Variants in DSCAM observed in about 807,000 individuals in gnomAD.
The protein encoded by DSCAM is cell adhesion molecule DSCAM.
In DSCAM, 47 loss-of-function variants were observed where a neutral mutation model predicts 217.7. That is an observed-to-expected ratio of 0.22 (90% CI 0.17 to 0.28). The LOEUF (loss-of-function observed/expected upper bound fraction) is 0.28, where lower values mean the gene tolerates loss of function less well. Among genes scored for constraint, DSCAM ranks in the 10% least tolerant of loss-of-function variants. The probability of loss-of-function intolerance (pLI) is 1.00; values close to 1 mark genes in which losing one functional copy is unlikely to be tolerated. For missense variants in DSCAM, 2,080 were observed against 2,618.3 expected (o/e 0.79, Z 4.49); for synonymous variants, 1,056 against 1,015.3 (o/e 1.04, Z -0.76).
At chr21:40,530,879 GTCCATCCATCCA>G (rs759529131) in intron 3 of DSCAM, among the ~76,000 whole-genome samples, 2 of 147,970 alleles carry the variant, frequency 1.4e-5, no homozygotes, top group Non-Finnish European at 3.0e-5. Context: ...AGCCCTGCCT[GTCCATCCATCCA>G]TCCATCCATC....
At chr21:40,399,720 T>A (rs910644868) in intron 3 of DSCAM, among the ~76,000 whole-genome samples, 3 of 152,220 alleles carry the variant, frequency 2.0e-5, no homozygotes, top group African/African-American at 4.8e-5. Context: ...TATTCATTCA[T>A]TCATTCATTT....
intron 3 of DSCAM, among the ~76,000 whole-genome samples, chr21:40,501,357 G>T (rs941754442): frequency 2.0e-5 from 3 of 152,042 alleles, no homozygotes; most frequent in African/African-American, 7.2e-5. Flanking sequence ...AGGAAATGAT[G>T]CGTTTCTACC....
chr21:40,731,917 G>A (rs1047104781), intron 1 of DSCAM, among the ~76,000 whole-genome samples: 18 of 152,092 alleles, frequency 1.2e-4, no homozygotes, highest in Admixed American at 6.6e-4. Flanking sequence ...AGTAGAGACA[G>A]GGTTTTATCA....
rs759948819 is a variant in DSCAM at position 40,339,082 on chromosome 21, T to C, written c.1507+37A>G. The C allele has an allele frequency of 4.4e-6, 7 of 1,607,100 alleles. No homozygotes were observed. The African/African-American group carries it at 6.8e-5, about 16-fold the overall frequency. On this transcript the variant is annotated intron_variant, in intron 7 of 32. Coordinates refer to ENST00000400454, the MANE Select transcript of DSCAM (RefSeq NM_001389.5). ...AATCTTCTTCTCCACTATAATGAGT[T>C]ATGTGTGTTTTTTTGAGGAGCTGAT...
intron 1 of DSCAM, among the ~76,000 whole-genome samples, chr21:40,738,758 G>C (rs1174817285): frequency 6.6e-6 from 1 of 152,204 alleles, no homozygotes; most frequent in Admixed American, 6.5e-5. Context: ...TGCCAGTCAG[G>C]GGACCACACT....
chr21:40,488,452 A>G (rs1311135809), intron 3 of DSCAM, among the ~76,000 whole-genome samples: 1 of 152,202 alleles, frequency 6.6e-6, no homozygotes, highest in Admixed American at 6.5e-5. Context: ...TGATAGTTTC[A>G]ATGAGAAACT....
intron 15 of DSCAM, among the ~76,000 whole-genome samples, chr21:40,172,328 C>T (rs369417659): frequency 1.3e-5 from 2 of 152,222 alleles, no homozygotes; most frequent in South Asian, 2.1e-4. Flanking sequence ...CAAAACTCTT[C>T]GATCTGTAAA....
intron 1 of DSCAM, among the ~76,000 whole-genome samples, chr21:40,770,678 C>T (rs1232609774): frequency 6.6e-6 from 1 of 152,142 alleles, no homozygotes; most frequent in Admixed American, 6.6e-5. Context: ...TGAAAACTCA[C>T]TTAATTGTCA....
intron 3 of DSCAM, among the ~76,000 whole-genome samples, chr21:40,634,938 T>C (rs970104670): frequency 1.3e-5 from 2 of 152,224 alleles, no homozygotes; most frequent in African/African-American, 4.8e-5. Context: ...ATGTTACATG[T>C]TTATTTTAGT....
chr21:40,755,908 T>C (rs953672444), intron 1 of DSCAM, among the ~76,000 whole-genome samples: 1 of 152,242 alleles, frequency 6.6e-6, no homozygotes, highest in South Asian at 2.1e-4. Flanking sequence ...GTGTTCGCCA[T>C]GCAACTGGCT....
chr21:40,252,060 G>A (rs779246230), intron 11 of DSCAM, among the ~76,000 whole-genome samples: 4 of 152,122 alleles, frequency 2.6e-5, no homozygotes, highest in Non-Finnish European at 5.9e-5. Context: ...CTAAGCCATG[G>A]CTACTACTTT....
chr21:40,518,619 T>C (rs1306599914), intron 3 of DSCAM, among the ~76,000 whole-genome samples: 1 of 124,924 alleles, frequency 8.0e-6, no homozygotes, highest in Non-Finnish European at 1.6e-5. Context: ...CACACACATA[T>C]ATATACATAC....
chr21:40,128,080 C>T (rs2090114914), intron 19 of DSCAM, among the ~76,000 whole-genome samples: 1 of 151,594 alleles, frequency 6.6e-6, no homozygotes, highest in Non-Finnish European at 1.5e-5. Context: ...GCTCCCATGT[C>T]TCTGTTGAGA....
At chr21:40,181,460 C>A (rs1324772034) in intron 14 of DSCAM, among the ~76,000 whole-genome samples, 1 of 152,096 alleles carries the variant, frequency 6.6e-6, no homozygotes, top group Non-Finnish European at 1.5e-5. Flanking sequence ...CAGACTGCTT[C>A]ATTTGATTAA....
intron 3 of DSCAM, among the ~76,000 whole-genome samples, chr21:40,670,453 G>A (rs147997772): frequency 0.027 from 4,073 of 150,538 alleles, 79 homozygotes; most frequent in Non-Finnish European, 0.045. Flanking sequence ...CAGGGGAATC[G>A]CTTGAACCCG....
rs187172824 is a variant in DSCAM at position 40,249,319 on chromosome 21, C to T, written c.2356+26778G>A. Among the ~76,000 whole-genome samples the T allele has an allele frequency of 2.0e-3, 310 of 152,156 alleles. 3 individuals are homozygous for T. Among genetic ancestry groups the T allele is most frequent in the Middle Eastern group, 0.017 (5 of 294 alleles). ...ATCTGAATCATAGGGGTAGTTTCCC[C>T]GATACTGTTCTCATGGTAGTGGATA... On this transcript the variant is annotated intron_variant, in intron 11 of 32. Transcript: ENST00000400454.
intron 32 of DSCAM, among the ~76,000 whole-genome samples, chr21:40,028,705 G>A (rs187003568): frequency 6.6e-5 from 10 of 152,236 alleles, no homozygotes; most frequent in Middle Eastern, 3.4e-3. Flanking sequence ...GCTCTGCTTC[G>A]GCTCACGCAC....
intron 3 of DSCAM, among the ~76,000 whole-genome samples, chr21:40,451,524 C>A (rs1189012627): frequency 6.6e-6 from 1 of 152,034 alleles, no homozygotes; most frequent in Non-Finnish European, 1.5e-5. Context: ...GTGTGGGGCT[C>A]GTATCATGTC....
Position 40,311,991 on chromosome 21 carries a change from G to C in DSCAM, c.2062+90C>G, listed in dbSNP as rs1256783838. 1.6e-5 allele frequency: 5 copies of C among 315,580 alleles called. No individual in the cohort carries two copies. In the East Asian group the frequency reaches 5.1e-4, roughly 32 times the overall value. 19.5% of individuals were successfully genotyped at this position (315,580 alleles called of 1,614,324 possible). ...GATAAAACTGAATTTCTAAGTTCCA[G>C]TTATTTTCGAAATATTTCAAGCCCC... On this transcript the variant is annotated intron_variant, in intron 9 of 32. Transcript: ENST00000400454.
Sources: gnomAD v4.1 joint callset for allele counts (sites outside exome capture counted in the v4.1 genomes callset) on GRCh38, gnomAD v4.1.1 for gene constraint, MANE v1.5 for transcripts, NCBI Gene and HGNC (gene_info 2026-07-23, HGNC 2026-07-21) for gene names.